Variants in ACTR2 observed in about 807,000 individuals in gnomAD.
ACTR2 encodes actin-related protein 2.
In ACTR2, 5 loss-of-function variants were observed where a neutral mutation model predicts 50.2. That is an observed-to-expected ratio of 0.10 (90% confidence interval 0.05 to 0.21). The LOEUF is 0.21. Among genes scored for constraint, ACTR2 ranks in the 10% least tolerant of loss-of-function variants. The probability of loss-of-function intolerance (pLI) is 1.00; values close to 1 mark genes in which losing one functional copy is unlikely to be tolerated. For synonymous variants in ACTR2, 140 were observed against 162.9 expected, an observed-to-expected ratio of 0.86 and a Z score of 1.07; for missense variants, 180 against 480.6, an observed-to-expected ratio of 0.37 and a Z score of 5.85.
At position 65,227,860 on chromosome 2, in the gene ACTR2, G is replaced by A. The variant is rs368070570; in HGVS notation, c.-50G>A. On this transcript the variant is annotated 5_prime_UTR_variant, in exon 1 of 9. Coordinates refer to ENST00000260641, the MANE Select transcript of ACTR2 (RefSeq NM_005722.4). ...GAGGAAGAAGAGAAAACGGCCGGGC[G>A]GCGGTGGCTGTAGGTTGTGCGGCTG... 11 of 1,489,566 alleles carry A rather than the reference G, an allele frequency of 7.4e-6. No individual in the cohort carries two copies. The East Asian group carries it at 1.2e-4, about 16-fold the overall frequency. The allele number at this position is 1,489,566 out of a possible 1,614,324, so 92.3% of individuals were successfully genotyped here.
chr2:65,230,671 A>G (rs1164346518), intron 1 of ACTR2, among the ~76,000 whole-genome samples: 1 of 151,876 alleles, frequency 6.6e-6, no homozygotes, highest in Non-Finnish European at 1.5e-5. Flanking sequence ...GCGGCCTCCT[A>G]AAGTGCTAGG....
chr2:65,266,724 T>C (rs1312189535), intron 8 of ACTR2, among the ~76,000 whole-genome samples: 2 of 151,900 alleles, frequency 1.3e-5, no homozygotes, highest in Admixed American at 6.6e-5. Flanking sequence ...AGTTTTAGAA[T>C]AGAGGAGGAG....
At chr2:65,234,114 T>C (rs1671690036) in intron 1 of ACTR2, among the ~76,000 whole-genome samples, 1 of 150,206 alleles carries the variant, frequency 6.7e-6, no homozygotes, top group African/African-American at 2.4e-5. Context: ...TTTTGCTCTG[T>C]AGCTTCAGGC....
At chr2:65,237,899 G>A (rs1352662039) in intron 1 of ACTR2, among the ~76,000 whole-genome samples, 2 of 152,146 alleles carry the variant, frequency 1.3e-5, no homozygotes, top group African/African-American at 2.4e-5. Context: ...AGAATCACTT[G>A]AACCCGTGGG....
intron 5 of ACTR2, among the ~76,000 whole-genome samples, chr2:65,255,006 A>G (rs2104009080): frequency 6.6e-6 from 1 of 152,112 alleles, no homozygotes; most frequent in Non-Finnish European, 1.5e-5. Context: ...AAATAGTAGT[A>G]TTTTCTAGCA....
intron 7 of ACTR2, among the ~76,000 whole-genome samples, chr2:65,263,017 T>A (rs116463462): frequency 0.013 from 1,950 of 150,954 alleles, 44 homozygotes; most frequent in African/African-American, 0.041. Context: ...TATATATATA[T>A]AAAACATATT....
At chr2:65,245,103 G>A (rs1028641787) in intron 2 of ACTR2, among the ~76,000 whole-genome samples, 1 of 151,932 alleles carries the variant, frequency 6.6e-6, no homozygotes, top group Admixed American at 6.5e-5. Flanking sequence ...GATGCTTTTA[G>A]TGGATTTTCC....
rs145896801 is a variant in ACTR2 at position 65,267,756 on chromosome 2, C to T, written c.1015-808C>T. On this transcript the variant is annotated intron_variant, in intron 8 of 8. Transcript: ENST00000260641. ...AAGAACATTTCATTTGATTTTGAGA[C>T]AATAGAAAGTAAGCTTTGCTTAAAA... Among the ~76,000 whole-genome samples, 115 of 148,032 alleles carry T rather than the reference C, an allele frequency of 7.8e-4. 1 individual carries two copies. The highest frequency in any genetic ancestry group is 2.7e-3 in the African/African-American group (109 of 40,250).
At chr2:65,247,597 TAAAA>T (rs1020553369) in intron 3 of ACTR2, among the ~76,000 whole-genome samples, 3 of 151,406 alleles carry the variant, frequency 2.0e-5, no homozygotes, top group African/African-American at 7.3e-5. Context: ...CAAAAAAAAA[TAAAA>T]AATCATAAGA....
chr2:65,264,731 G>A (rs983118956), intron 7 of ACTR2, among the ~76,000 whole-genome samples: 4 of 152,110 alleles, frequency 2.6e-5, no homozygotes, highest in Admixed American at 2.6e-4. Context: ...GTGGCTTTAG[G>A]GAAGCATGTG....
At chr2:65,228,053 G>A in intron 1 of ACTR2, 96 bp downstream of exon 1, 1 of 1,231,318 alleles carries the variant, frequency 8.1e-7, no homozygotes. Context: ...GCACCTCCGG[G>A]CCCTCGGGGC....
At chr2:65,263,544 A>G (rs1445902643) in intron 7 of ACTR2, among the ~76,000 whole-genome samples, 2 of 152,182 alleles carry the variant, frequency 1.3e-5, no homozygotes, top group Non-Finnish European at 2.9e-5. Flanking sequence ...ATAGCCACCT[A>G]ATTAATTTTG....
intron 6 of ACTR2, among the ~76,000 whole-genome samples, chr2:65,260,944 A>G (rs1672257952): frequency 6.6e-6 from 1 of 151,974 alleles, no homozygotes; most frequent in African/African-American, 2.4e-5. Flanking sequence ...GTTAGTCAGG[A>G]TGGTCTCAAT....
At chr2:65,268,192 A>G (rs1405994579) in intron 8 of ACTR2, among the ~76,000 whole-genome samples, 1 of 152,150 alleles carries the variant, frequency 6.6e-6, no homozygotes, top group Non-Finnish European at 1.5e-5. Flanking sequence ...CCAAGTGGTC[A>G]TCTGCCATTG....
At chr2:65,266,344 G>A (rs1291382389) in intron 8 of ACTR2, among the ~76,000 whole-genome samples, 2 of 152,198 alleles carry the variant, frequency 1.3e-5, no homozygotes, top group Non-Finnish European at 2.9e-5. Context: ...CGTGAGAGGA[G>A]TGAGCCTTGT....
intron 3 of ACTR2, among the ~76,000 whole-genome samples, chr2:65,248,867 G>T (rs1187874432): frequency 1.3e-5 from 2 of 151,916 alleles, no homozygotes; most frequent in Non-Finnish European, 2.9e-5. Context: ...CACAAAATTA[G>T]CTGGGCATAG....
chr2:65,239,310 T>C (rs934278719), intron 1 of ACTR2, among the ~76,000 whole-genome samples: 3 of 152,022 alleles, frequency 2.0e-5, no homozygotes, highest in African/African-American at 7.2e-5. Context: ...CAAAATTAGC[T>C]GGGCTTAGTG....
chr2:65,256,581 T>A (rs1249278793), intron 6 of ACTR2, among the ~76,000 whole-genome samples: 4 of 152,126 alleles, frequency 2.6e-5, no homozygotes, highest in Non-Finnish European at 4.4e-5. Flanking sequence ...TTATAAAAAA[T>A]TTGTTGTTGG....
intron 4 of ACTR2, among the ~76,000 whole-genome samples, chr2:65,251,651 G>A (rs923471105): frequency 2.6e-5 from 4 of 152,084 alleles, no homozygotes; most frequent in Non-Finnish European, 4.4e-5. Context: ...ATGAGTCACC[G>A]TGCCTGGCAT....
Sources: gnomAD v4.1 joint callset for allele counts (sites outside exome capture counted in the v4.1 genomes callset) on GRCh38, gnomAD v4.1.1 for gene constraint, MANE v1.5 for transcripts, NCBI Gene and HGNC (gene_info 2026-07-23, HGNC 2026-07-21) for gene names.